Variants in OLFM4 observed in about 807,000 individuals in gnomAD.
The protein encoded by OLFM4 is olfactomedin 4.
Under a neutral mutation model 25.5 loss-of-function variants are expected in OLFM4, and 22 were observed. The ratio of observed to expected loss-of-function variants is 0.86; its 90% CI spans 0.62 to 1.23. The LOEUF (loss-of-function observed/expected upper bound fraction) is 1.23, where lower values mean the gene tolerates loss of function less well. Ranked by LOEUF, OLFM4 falls within the 50% of genes most tolerant of loss-of-function variation. The probability of loss-of-function intolerance (pLI) is 0.00; values close to 1 mark genes in which losing one functional copy is unlikely to be tolerated. For missense variants in OLFM4, 594 were observed against 619.4 expected, an observed-to-expected ratio of 0.96 and a Z score of 0.44; for synonymous variants, 255 against 237.7, an observed-to-expected ratio of 1.07 and a Z score of -0.67.
At chr13:53,032,289 C>T (rs1005962199) in intron 1 of OLFM4, among the ~76,000 whole-genome samples, 2 of 152,152 alleles carry the variant, frequency 1.3e-5, no homozygotes, top group African/African-American at 2.4e-5. Context: ...CTGAGAATGG[C>T]CCAACCCTGT....
chr13:53,046,732 C>T (rs979365554), intron 4 of OLFM4, among the ~76,000 whole-genome samples: 7 of 152,142 alleles, frequency 4.6e-5, no homozygotes, highest in African/African-American at 1.2e-4. Context: ...AGATATTTAC[C>T]ATTTACTGAG....
intron 2 of OLFM4, among the ~76,000 whole-genome samples, chr13:53,039,171 A>T (rs1165962147): frequency 6.6e-6 from 1 of 152,240 alleles, no homozygotes; most frequent in Non-Finnish European, 1.5e-5. Flanking sequence ...GCGATGTGCC[A>T]CCAAAATGTT....
Position 53,029,033 on chromosome 13 carries a change from T to G in OLFM4, c.197T>G (p.Val66Gly). 6.2e-7 allele frequency: 1 copy of G among 1,614,076 alleles called. No individual in the cohort carries two copies. The highest frequency in any genetic ancestry group is 8.5e-7 in the Non-Finnish European group (1 of 1,180,036). ...SSRSLGSGGS[V>G]SQLFSNFTGS... ...CGCAGCTTAGGCAGCGGAGGTTCTG[T>G]GTCCCAGGTGAGGAGGCCCCAGAAT... is the stretch of plus-strand genomic sequence containing the variant. The change falls in exon 1 of 5, where the codon GTG becomes GGG. Residue 66 changes from valine (V) to glycine (G), a missense_variant. Physicochemically the swap from Val to Gly is moderately radical, Grantham distance 109. Transcript: ENST00000219022.
At chr13:53,046,812 A>G (rs1220355954) in intron 4 of OLFM4, among the ~76,000 whole-genome samples, 1 of 152,192 alleles carries the variant, frequency 6.6e-6, no homozygotes, top group Admixed American at 6.5e-5. Flanking sequence ...TTCTTCTGAC[A>G]TGAGGAAACT....
intron 1 of OLFM4, among the ~76,000 whole-genome samples, chr13:53,029,263 A>G (rs1468244088): frequency 5.9e-5 from 9 of 152,180 alleles, no homozygotes. Flanking sequence ...GACTTTTGGG[A>G]ATATCTATGC....
chr13:53,044,629 G>A (rs561509376), intron 4 of OLFM4, among the ~76,000 whole-genome samples: 2 of 152,222 alleles, frequency 1.3e-5, no homozygotes, highest in South Asian at 4.1e-4. Context: ...GCCCCAGAAT[G>A]AAATGGCCTT....
chr13:53,039,744 A>G (rs960114791), intron 2 of OLFM4, among the ~76,000 whole-genome samples: 8 of 152,130 alleles, frequency 5.3e-5, no homozygotes, highest in East Asian at 1.9e-4. Context: ...TAACCTCCCT[A>G]TCCACCAAAA....
chr13:53,045,924 C>A (rs1343822858), intron 4 of OLFM4, among the ~76,000 whole-genome samples: 1 of 152,028 alleles, frequency 6.6e-6, no homozygotes, highest in Admixed American at 6.5e-5. Flanking sequence ...GTATATAGGC[C>A]AAATGTGATC....
chr13:53,047,003 C>T (rs1954719047), intron 4 of OLFM4, among the ~76,000 whole-genome samples: 1 of 152,196 alleles, frequency 6.6e-6, no homozygotes, highest in Non-Finnish European at 1.5e-5. Context: ...CACCTATCTG[C>T]TTAACACCAA....
At chr13:53,045,343 A>G (rs1954710533) in intron 4 of OLFM4, among the ~76,000 whole-genome samples, 1 of 152,128 alleles carries the variant, frequency 6.6e-6, no homozygotes, top group Non-Finnish European at 1.5e-5. Flanking sequence ...ACTTTCCCAC[A>G]ACCTTGGCTG....
rs1954751483 is a variant in OLFM4 at position 53,051,968 on chromosome 13, T to C, written c.*1197T>C. ...CATCTAGTCTTTGTCTATTTTTCCT[T>C]TGATGTTCAAGTCCTAGTCTATAGG... On this transcript the variant is annotated 3_prime_UTR_variant, in exon 5 of 5. Coordinates refer to ENST00000219022, the MANE Select transcript of OLFM4 (RefSeq NM_006418.5). 6.6e-6 allele frequency: 1 copy of C among 152,222 alleles called. No homozygotes were observed. Among genetic ancestry groups the C allele is most frequent in the South Asian group, 2.1e-4 (1 of 4,830 alleles). 9.4% of individuals were successfully genotyped at this position (152,222 alleles called of 1,614,324 possible).
At position 53,039,818 on chromosome 13, in the gene OLFM4, G is replaced by A. The variant is rs921307138; in HGVS notation, c.358-2092G>A. Among the ~76,000 whole-genome samples, 9 of 152,142 alleles carry A rather than the reference G, an allele frequency of 5.9e-5. No homozygotes were observed. In the South Asian group the frequency reaches 6.2e-4, roughly 11 times the overall value. ...CAATGGCAGTGAGCATCAGTTGCCC[G>A]AGGAGATACACTAGCAGTGCCAAGG... On this transcript the variant is annotated intron_variant, in intron 2 of 4. Transcript: ENST00000219022.
intron 2 of OLFM4, among the ~76,000 whole-genome samples, chr13:53,037,702 A>G (rs1469797491): frequency 6.6e-6 from 1 of 152,198 alleles, no homozygotes; most frequent in Non-Finnish European, 1.5e-5. Flanking sequence ...GTCTAGCTCC[A>G]AAGTACTTTA....
chr13:53,050,441 C>A lies in OLFM4; in HGVS notation c.1203C>A (p.Ser401Arg). The A allele has an allele frequency of 1.2e-6, 2 of 1,614,034 alleles. No individual in the cohort carries two copies. The highest frequency in any genetic ancestry group is 1.7e-6 in the Non-Finnish European group (2 of 1,179,956). ...GGGTTATTTATTCAACTGAAGCCAG[C>A]ACTGGTAACATGGTGATTAGTAAAC... ...GLWVIYSTEA[S>R]TGNMVISKLN... The change falls in exon 5 of 5, where the codon AGC becomes AGA. Residue 401 changes from serine to arginine, a missense_variant. Physicochemically the swap from Ser to Arg is moderately radical, Grantham distance 110. Transcript: ENST00000219022.
At chr13:53,033,022 G>C (rs1229220007) in intron 1 of OLFM4, among the ~76,000 whole-genome samples, 1 of 152,154 alleles carries the variant, frequency 6.6e-6, no homozygotes, top group Non-Finnish European at 1.5e-5. Flanking sequence ...TGTTCCACAG[G>C]TGAGCTTTGG....
At chr13:53,036,387 A>T (rs1310375713) in intron 2 of OLFM4, among the ~76,000 whole-genome samples, 3 of 152,246 alleles carry the variant, frequency 2.0e-5, no homozygotes, top group Non-Finnish European at 4.4e-5. Flanking sequence ...GCTTTGAAAT[A>T]GTGGAAACTA....
chr13:53,031,047 T>C (rs150177704), intron 1 of OLFM4, among the ~76,000 whole-genome samples: 60 of 152,278 alleles, frequency 3.9e-4, no homozygotes, highest in African/African-American at 1.4e-3. Flanking sequence ...GAAAATAAAA[T>C]ACAGATCAAG....
intron 1 of OLFM4, among the ~76,000 whole-genome samples, chr13:53,029,789 G>A (rs557825462): frequency 6.6e-6 from 1 of 152,292 alleles, no homozygotes; most frequent in African/African-American, 2.4e-5. Context: ...GCATTACAAC[G>A]AGGCTGGTAC....
At chr13:53,041,864 T>C in intron 2 of OLFM4, 46 bp from the exon 3 acceptor site, 1 of 1,365,394 alleles carries the variant, frequency 7.3e-7, no homozygotes, top group East Asian at 2.3e-5. Context: ...GAAGATGGTG[T>C]GATACTACTC....
Sources: gnomAD v4.1 joint callset for allele counts (sites outside exome capture counted in the v4.1 genomes callset) on GRCh38, gnomAD v4.1.1 for gene constraint, MANE v1.5 for transcripts, NCBI Gene and HGNC (gene_info 2026-07-23, HGNC 2026-07-21) for gene names.